Variants in GPR176 observed in about 807,000 individuals in gnomAD.
GPR176 encodes G-protein coupled receptor 176.
A neutral mutation model predicts 35.4 loss-of-function variants in GPR176; 26 were observed. That is an observed-to-expected ratio of 0.74 (90% CI 0.54 to 1.02). The LOEUF (loss-of-function observed/expected upper bound fraction) is 1.02. Among genes scored for constraint, GPR176 ranks in the 50% least tolerant of loss-of-function variants. GPR176 has a pLI of 0.00. For missense variants in GPR176, 597 were observed against 665.3 expected, an observed-to-expected ratio of 0.90 and a Z score of 1.13; for synonymous variants, 278 against 271.3, an observed-to-expected ratio of 1.02 and a Z score of -0.24.
At chr15:39,814,644 G>A (rs537723369) in intron 1 of GPR176, among the ~76,000 whole-genome samples, 1 of 152,300 alleles carries the variant, frequency 6.6e-6, no homozygotes, top group South Asian at 2.1e-4. Context: ...CTCATAGTCT[G>A]TGGGGGTTGT....
intron 1 of GPR176, among the ~76,000 whole-genome samples, chr15:39,901,089 A>C (rs1173673874): frequency 2.0e-5 from 3 of 151,966 alleles, no homozygotes; most frequent in African/African-American, 7.3e-5. Flanking sequence ...TTTTGAATAA[A>C]TAATTTAGTT....
chr15:39,849,807 G>A (rs1328442444), intron 1 of GPR176, among the ~76,000 whole-genome samples: 1 of 152,114 alleles, frequency 6.6e-6, no homozygotes, highest in African/African-American at 2.4e-5. Flanking sequence ...ATCACTTAAT[G>A]ACAGAGATTC....
intron 1 of GPR176, chr15:39,813,460 C>A (rs978113647): frequency 1.4e-4 from 22 of 152,124 alleles, no homozygotes; most frequent in African/African-American, 4.6e-4. Context: ...GTTTCTTCAC[C>A]CAGCAGTTGA....
intron 2 of GPR176, among the ~76,000 whole-genome samples, chr15:39,802,727 AC>A (rs745339104): frequency 9.9e-4 from 151 of 152,370 alleles, no homozygotes; most frequent in Non-Finnish European, 1.6e-3. Flanking sequence ...AAGTTTGTCT[AC>A]ACACATATCT....
intron 1 of GPR176, among the ~76,000 whole-genome samples, chr15:39,864,605 G>A (rs2031749744): frequency 6.6e-6 from 1 of 151,942 alleles, no homozygotes; most frequent in Non-Finnish European, 1.5e-5. Flanking sequence ...AGGAAACCTA[G>A]GAAAAACTCT....
At chr15:39,834,604 AAAG>A (rs1235327854) in intron 1 of GPR176, among the ~76,000 whole-genome samples, 9 of 152,228 alleles carry the variant, frequency 5.9e-5, no homozygotes, top group South Asian at 2.1e-4. Context: ...AGCCATTAAA[AAAG>A]AAGGAGATCC....
At chr15:39,854,419 T>C (rs1437797972) in intron 1 of GPR176, among the ~76,000 whole-genome samples, 3 of 152,176 alleles carry the variant, frequency 2.0e-5, no homozygotes, top group African/African-American at 7.2e-5. Flanking sequence ...TTGAACCCCT[T>C]ACTTTTATGG....
Position 39,802,221 on chromosome 15 carries a change from T to G in GPR176, c.459A>C (p.Lys153Asn). ...GTTCACGGGACTTGGCATCAGATAT[T>G]TTCCTCTCCAGTGGATAGAGGACTG... Reference protein sequence around the residue: ...YYSVLYPLERKISDAKSRELV... With the variant: ...YYSVLYPLERNISDAKSRELV... Residue 153 changes from lysine to asparagine, a missense_variant, in exon 3 of 3, where the codon AAA (lysine) becomes AAC (asparagine). Transcript: ENST00000561100. The G allele has an allele frequency of 6.2e-7, 1 of 1,613,146 alleles. No homozygotes were observed. Among genetic ancestry groups the G allele is most frequent in the Non-Finnish European group, 8.5e-7 (1 of 1,179,384 alleles).
At chr15:39,804,012 T>C (rs1899047332) in intron 2 of GPR176, among the ~76,000 whole-genome samples, 1 of 152,184 alleles carries the variant, frequency 6.6e-6, no homozygotes, top group African/African-American at 2.4e-5. Context: ...TGAATGTAGA[T>C]AGTTTTGTAA....
chr15:39,811,980 C>T (rs983598639), intron 1 of GPR176, among the ~76,000 whole-genome samples: 17 of 151,532 alleles, frequency 1.1e-4, no homozygotes, highest in African/African-American at 4.1e-4. Context: ...TTAGGATGCT[C>T]ACAGTGTGAC....
At chr15:39,886,079 C>G (rs532761587) in intron 1 of GPR176, among the ~76,000 whole-genome samples, 10 of 152,060 alleles carry the variant, frequency 6.6e-5, no homozygotes, top group African/African-American at 2.4e-4. Flanking sequence ...AATAAAAATA[C>G]AAAATTAGCC....
intron 1 of GPR176, among the ~76,000 whole-genome samples, chr15:39,836,707 C>T (rs1054565569): frequency 7.2e-5 from 11 of 152,088 alleles, no homozygotes; most frequent in Admixed American, 6.6e-5. Context: ...ATAAAGTTCA[C>T]ATAAATTTGT....
At chr15:39,832,934 T>C (rs931763532) in intron 1 of GPR176, among the ~76,000 whole-genome samples, 2 of 152,146 alleles carry the variant, frequency 1.3e-5, no homozygotes, top group Admixed American at 6.6e-5. Flanking sequence ...TGGATTACAC[T>C]AAGGGCACAC....
chr15:39,822,036 C>G lies in GPR176; in HGVS notation c.173-14778G>C, dbSNP rs148732595. Among the ~76,000 whole-genome samples, 410 of 152,326 alleles carry G rather than the reference C, an allele frequency of 2.7e-3. 3 individuals carry two copies. The highest frequency in any genetic ancestry group is 9.5e-3 in the African/African-American group (393 of 41,570). On this transcript the variant is annotated intron_variant, in intron 1 of 2. Coordinates refer to ENST00000561100, the MANE Select transcript of GPR176 (RefSeq NM_007223.3). ...CTCTGGGGAAAGCCAAATGACACGT[C>G]TTGAGGAAACCCAAGCAGTCCTATG... is the stretch of plus-strand genomic sequence containing the variant.
chr15:39,888,715 A>G (rs1595508171), intron 1 of GPR176, among the ~76,000 whole-genome samples: 1 of 152,320 alleles, frequency 6.6e-6, no homozygotes, highest in African/African-American at 2.4e-5. Context: ...CCAGAGTTCT[A>G]CCATCAGAGT....
At chr15:39,869,016 A>G (rs1215395871) in intron 1 of GPR176, among the ~76,000 whole-genome samples, 2 of 152,114 alleles carry the variant, frequency 1.3e-5, no homozygotes, top group Admixed American at 6.6e-5. Context: ...AAAAAAAAAA[A>G]AAATTCCCCC....
At chr15:39,863,501 G>T (rs2031699160) in intron 1 of GPR176, among the ~76,000 whole-genome samples, 1 of 151,914 alleles carries the variant, frequency 6.6e-6, no homozygotes, top group Non-Finnish European at 1.5e-5. Flanking sequence ...AGTTTGTAAG[G>T]TTAAAAAGCC....
At chr15:39,817,850 C>T (rs1188233450) in intron 1 of GPR176, among the ~76,000 whole-genome samples, 1 of 152,202 alleles carries the variant, frequency 6.6e-6, no homozygotes, top group East Asian at 1.9e-4. Flanking sequence ...CAACATTAAA[C>T]AACTGAGTTT....
At chr15:39,883,422 G>C (rs1394020731) in intron 1 of GPR176, among the ~76,000 whole-genome samples, 1 of 151,834 alleles carries the variant, frequency 6.6e-6, no homozygotes, top group Non-Finnish European at 1.5e-5. Flanking sequence ...CATGAAAAAA[G>C]CTATACATAT....
Sources: gnomAD v4.1 joint callset for allele counts (sites outside exome capture counted in the v4.1 genomes callset) on GRCh38, gnomAD v4.1.1 for gene constraint, MANE v1.5 for transcripts, NCBI Gene and HGNC (gene_info 2026-07-23, HGNC 2026-07-21) for gene names.